NSRP1: variants seen among roughly 807,000 people sequenced by gnomAD.
NSRP1 encodes nuclear speckle splicing regulatory protein 1, also known as coiled-coil domain containing 55.
NSRP1 carries 24 observed loss-of-function variants against 54.7 expected under a neutral mutation model. That is an observed-to-expected ratio of 0.44 (90% confidence interval 0.32 to 0.62). The LOEUF is 0.62. Among genes scored for constraint, NSRP1 ranks in the 20% least tolerant of loss-of-function variants. The probability of loss-of-function intolerance (pLI) is 0.06; values close to 1 mark genes in which losing one functional copy is unlikely to be tolerated. For missense variants in NSRP1, 596 were observed against 651.2 expected (o/e 0.92, Z 0.92); for synonymous variants, 210 against 213.8 (o/e 0.98, Z 0.15).
chr17:30,176,615 C>G (rs921198962), intron 3 of NSRP1, among the ~76,000 whole-genome samples: 1 of 122,676 alleles, frequency 8.2e-6, no homozygotes, highest in Non-Finnish European at 1.8e-5. Context: ...GTCCCCCCCC[C>G]CCCAAAAAAA....
chr17:30,157,798 A>G (rs1904362226), intron 2 of NSRP1, among the ~76,000 whole-genome samples: 1 of 152,224 alleles, frequency 6.6e-6, no homozygotes, highest in Non-Finnish European at 1.5e-5. Flanking sequence ...TTCACTTAAA[A>G]TAATGATCTC....
intron 6 of NSRP1, among the ~76,000 whole-genome samples, chr17:30,182,861 G>A (rs2143010950): frequency 6.6e-6 from 1 of 152,210 alleles, no homozygotes; most frequent in Non-Finnish European, 1.5e-5. Flanking sequence ...GTGAACACAG[G>A]AGGCGGAGGT....
chr17:30,152,582 T>A (rs2071922637), intron 2 of NSRP1, among the ~76,000 whole-genome samples: 1 of 152,076 alleles, frequency 6.6e-6, no homozygotes, highest in Non-Finnish European at 1.5e-5. Flanking sequence ...TTGAGTTATT[T>A]TTTGCAAAGG....
At chr17:30,154,036 G>T (rs1319378699) in intron 2 of NSRP1, among the ~76,000 whole-genome samples, 3 of 152,162 alleles carry the variant, frequency 2.0e-5, no homozygotes, top group Non-Finnish European at 2.9e-5. Context: ...TTAGGGCCAG[G>T]TGTGGTGGCT....
At chr17:30,149,440 T>G (rs9902340) in intron 2 of NSRP1, among the ~76,000 whole-genome samples, 84,845 of 152,054 alleles carry the variant, frequency 0.56, 24,470 homozygotes, top group East Asian at 0.82. Flanking sequence ...TTTGTTATCA[T>G]AGAGGAGTAA....
chr17:30,149,569 G>C (rs1279527444), intron 2 of NSRP1, among the ~76,000 whole-genome samples: 1 of 152,122 alleles, frequency 6.6e-6, no homozygotes, highest in Non-Finnish European at 1.5e-5. Context: ...AGGTGCAGTG[G>C]CCTGTAATCC....
At chr17:30,117,957 T>C in intron 1 of NSRP1, 123 bp from the exon 2 acceptor site, 2 of 734,510 alleles carry the variant, frequency 2.7e-6, no homozygotes, top group Middle Eastern at 2.9e-4. Context: ...AACAGTCTGT[T>C]ACGTGTTCAT....
intron 2 of NSRP1, among the ~76,000 whole-genome samples, chr17:30,121,650 A>G (rs1439544803): frequency 1.3e-5 from 2 of 148,702 alleles, no homozygotes; most frequent in African/African-American, 2.5e-5. Flanking sequence ...TGCAACTGCA[A>G]CCTCCACCTC....
In NSRP1 at chr17:30,143,930, C is replaced by T. The variant is rs1206357851; in HGVS notation, c.114+25757C>T. 7.2e-5 allele frequency: 11 copies of T among 152,214 alleles called. 1 individual carries two copies. In the South Asian group the frequency reaches 2.1e-3, roughly 29 times the overall value. 9.4% of individuals were successfully genotyped at this position (152,214 alleles called of 1,614,324 possible). A position where few individuals can be genotyped will look rare whatever the true frequency, so the allele number is the denominator to read the frequency against. Reference sequence around the variant, plus strand: ...ATGGCATGCCTGTATCAAAACATCTCATGTACCCCATAAATGTATACATGT... The same window carrying T: ...ATGGCATGCCTGTATCAAAACATCTTATGTACCCCATAAATGTATACATGT... On this transcript the variant is annotated intron_variant, in intron 2 of 6. Coordinates refer to ENST00000247026, the MANE Select transcript of NSRP1 (RefSeq NM_032141.4).
At chr17:30,148,415 G>A (rs2071876554) in intron 2 of NSRP1, among the ~76,000 whole-genome samples, 1 of 152,164 alleles carries the variant, frequency 6.6e-6, no homozygotes, top group Non-Finnish European at 1.5e-5. Context: ...TTATGGAGGT[G>A]ACAAATGACA....
In NSRP1 at chr17:30,117,220, A is replaced by ACAGAAGC; in HGVS notation, c.20+360_20+361insAAGCCAG. On this transcript the variant is annotated intron_variant, in intron 1 of 6. Coordinates refer to ENST00000247026, the MANE Select transcript of NSRP1 (RefSeq NM_032141.4). The stretch of plus-strand genomic sequence containing the variant: ...GCTCTCAGGGGCAGTGTGAAGAGAG[A>ACAGAAGC]CAGTTCCTGGCTTCCTTAGAGGGCC... 9 of 630,634 alleles carry ACAGAAGC rather than the reference A, an allele frequency of 1.4e-5. No individual in the cohort carries two copies. In the South Asian group the frequency reaches 1.6e-4, roughly 12 times the overall value. The allele number at this position is 630,634 out of a possible 1,614,324, so 39.1% of individuals were successfully genotyped here.
At chr17:30,155,266 G>A (rs2071950899) in intron 2 of NSRP1, among the ~76,000 whole-genome samples, 1 of 151,890 alleles carries the variant, frequency 6.6e-6, no homozygotes, top group African/African-American at 2.4e-5. Context: ...CCCTTTATAG[G>A]TGACCTACTC....
chr17:30,179,383 T>C (rs976412046), intron 5 of NSRP1, 86 bp downstream of exon 5: 74 of 1,427,886 alleles, frequency 5.2e-5, no homozygotes, highest in Non-Finnish European at 6.5e-5. Context: ...CACTGAACTT[T>C]AGGGTTATGA....
chr17:30,147,318 C>T (rs1364020587), intron 2 of NSRP1, among the ~76,000 whole-genome samples: 2 of 151,472 alleles, frequency 1.3e-5, no homozygotes, highest in Non-Finnish European at 2.9e-5. Context: ...TTAGTAGACA[C>T]GGGGTTTCAC....
intron 2 of NSRP1, among the ~76,000 whole-genome samples, chr17:30,135,020 C>G: frequency 6.6e-6 from 1 of 152,062 alleles, no homozygotes; most frequent in East Asian, 1.9e-4. Context: ...ATTTTTTGAA[C>G]AGTCTATCCC....
intron 2 of NSRP1, among the ~76,000 whole-genome samples, chr17:30,171,082 G>A (rs1213875275): frequency 2.0e-5 from 3 of 151,708 alleles, no homozygotes; most frequent in Non-Finnish European, 2.9e-5. Context: ...TTTCTTAGCT[G>A]TATGTAATCT....
chr17:30,160,734 A>G (rs1219035125), intron 2 of NSRP1, among the ~76,000 whole-genome samples: 2 of 152,314 alleles, frequency 1.3e-5, no homozygotes. Context: ...TTGAACCATC[A>G]TTCTTGATCA....
intron 2 of NSRP1, among the ~76,000 whole-genome samples, chr17:30,164,650 T>C (rs1228410570): frequency 1.3e-5 from 2 of 151,912 alleles, no homozygotes; most frequent in Non-Finnish European, 2.9e-5. Context: ...ATAAAAAAAT[T>C]AGCTGGATGT....
intron 2 of NSRP1, among the ~76,000 whole-genome samples, chr17:30,171,972 ACTCCCTCTCT>A (rs1203160633): frequency 2.8e-4 from 13 of 46,644 alleles, no homozygotes; most frequent in African/African-American, 8.0e-4. Flanking sequence ...ACACACACAC[ACTCCCTCTCT>A]CTCTCTCTCT....
Sources: gnomAD v4.1 joint callset for allele counts (sites outside exome capture counted in the v4.1 genomes callset) on GRCh38, gnomAD v4.1.1 for gene constraint, MANE v1.5 for transcripts, NCBI Gene and HGNC (gene_info 2026-07-23, HGNC 2026-07-21) for gene names.